Variants in PLXDC2 observed in about 807,000 individuals in gnomAD.
PLXDC2 encodes the protein plexin domain containing 2.
Under a neutral mutation model 68.9 loss-of-function variants are expected in PLXDC2, and 40 were observed. The ratio of observed to expected loss-of-function variants is 0.58; its 90% CI spans 0.45 to 0.76. The LOEUF is 0.76. Among genes scored for constraint, PLXDC2 ranks in the 30% least tolerant of loss-of-function variants. PLXDC2 has a pLI of 0.00. For missense variants in PLXDC2, 644 were observed against 661.9 expected, an observed-to-expected ratio of 0.97 and a Z score of 0.30; for synonymous variants, 243 against 234.2, an observed-to-expected ratio of 1.04 and a Z score of -0.34.
At chr10:20,041,637 T>A (rs1459957335) in intron 2 of PLXDC2, among the ~76,000 whole-genome samples, 2 of 152,150 alleles carry the variant, frequency 1.3e-5, no homozygotes, top group East Asian at 3.9e-4. Context: ...TTTTTTCCCC[T>A]GCAATTTATG....
At chr10:19,986,766 G>T (rs368410191) in intron 1 of PLXDC2, among the ~76,000 whole-genome samples, 109 of 152,280 alleles carry the variant, frequency 7.2e-4, no homozygotes, top group African/African-American at 2.6e-3. Flanking sequence ...ACTTGAAAGT[G>T]TGTCTCAGAG....
At chr10:20,219,400 G>A (rs542180980) in intron 12 of PLXDC2, among the ~76,000 whole-genome samples, 2 of 152,250 alleles carry the variant, frequency 1.3e-5, no homozygotes, top group Admixed American at 1.3e-4. Flanking sequence ...GTGGTGTGTA[G>A]TTATCTACAC....
intron 1 of PLXDC2, among the ~76,000 whole-genome samples, chr10:19,868,141 G>A (rs1409790764): frequency 6.6e-6 from 1 of 152,010 alleles, no homozygotes; most frequent in African/African-American, 2.4e-5. Flanking sequence ...TTTTGGGTTT[G>A]GGGGTACATG....
At chr10:20,063,711 G>T (rs1024096758) in intron 3 of PLXDC2, among the ~76,000 whole-genome samples, 24 of 152,160 alleles carry the variant, frequency 1.6e-4, no homozygotes, top group African/African-American at 5.8e-4. Context: ...AGTATGACCT[G>T]AATGAGTCTG....
At chr10:20,067,660 C>T (rs147358755) in intron 3 of PLXDC2, among the ~76,000 whole-genome samples, 1 of 150,846 alleles carries the variant, frequency 6.6e-6, no homozygotes, top group East Asian at 1.9e-4. Context: ...TTCACTCCAG[C>T]CTGGGCAAAA....
chr10:19,869,152 T>G (rs937417425), intron 1 of PLXDC2, among the ~76,000 whole-genome samples: 2 of 152,078 alleles, frequency 1.3e-5, no homozygotes, highest in African/African-American at 4.8e-5. Flanking sequence ...ATCCCAGCAC[T>G]TTGGGAGGCC....
chr10:19,859,044 G>GAGAGAC (rs1554840503), intron 1 of PLXDC2, among the ~76,000 whole-genome samples: 15 of 150,830 alleles, frequency 9.9e-5, no homozygotes, highest in African/African-American at 2.9e-4. Flanking sequence ...GAGAGAGAGA[G>GAGAGAC]AGAGCGAGGG....
At chr10:20,220,092 A>G (rs1835189746) in intron 12 of PLXDC2, among the ~76,000 whole-genome samples, 1 of 152,152 alleles carries the variant, frequency 6.6e-6, no homozygotes, top group African/African-American at 2.4e-5. Flanking sequence ...CATAAATACC[A>G]TTATTGTATC....
At chr10:19,820,590 C>T (rs969045372) in intron 1 of PLXDC2, among the ~76,000 whole-genome samples, 4 of 150,068 alleles carry the variant, frequency 2.7e-5, no homozygotes, top group African/African-American at 4.9e-5. Context: ...GCCGAGATTG[C>T]GCCACTGCAG....
intron 6 of PLXDC2, among the ~76,000 whole-genome samples, chr10:20,152,906 A>AT (rs1412327260): frequency 4.6e-5 from 7 of 152,184 alleles, no homozygotes; most frequent in South Asian, 4.1e-4. Flanking sequence ...AAGACAGTTT[A>AT]TTTTTTTGGC....
At chr10:19,936,250 C>A (rs1422288361) in intron 1 of PLXDC2, among the ~76,000 whole-genome samples, 1 of 152,180 alleles carries the variant, frequency 6.6e-6, no homozygotes, top group Non-Finnish European at 1.5e-5. Context: ...CCACTCATCT[C>A]ACCTCTCTCA....
chr10:19,994,836 G>C (rs779205645), intron 1 of PLXDC2, among the ~76,000 whole-genome samples: 1 of 151,634 alleles, frequency 6.6e-6, no homozygotes, highest in South Asian at 2.1e-4. Context: ...TCCGCTTCCC[G>C]TGTTCGAGTA....
At position 20,217,316 on chromosome 10, in the gene PLXDC2, T is replaced by C. The variant is rs535583089; in HGVS notation, c.1123-110T>C. On this transcript the variant is annotated intron_variant, in intron 10 of 13. Transcript: ENST00000377252. Reference sequence around the variant, plus strand: ...TCTTGTACAAAAGTAATTTATTCCTTGTCTTGATATGAGAGGCTTTTGTGC... The same window carrying C: ...TCTTGTACAAAAGTAATTTATTCCTCGTCTTGATATGAGAGGCTTTTGTGC... 1.3e-5 allele frequency: 12 copies of C among 917,288 alleles called. No individual in the cohort carries two copies. In the South Asian group the frequency reaches 3.2e-4, roughly 24 times the overall value. The allele number at this position is 917,288 out of a possible 1,614,324, so 56.8% of individuals were successfully genotyped here.
chr10:20,031,324 T>C (rs1835498046), intron 2 of PLXDC2, among the ~76,000 whole-genome samples: 1 of 151,928 alleles, frequency 6.6e-6, no homozygotes, highest in African/African-American at 2.4e-5. Flanking sequence ...GAGACACAAT[T>C]GTGCCACTGC....
intron 13 of PLXDC2, among the ~76,000 whole-genome samples, chr10:20,264,966 G>T (rs543447487): frequency 6.6e-6 from 1 of 151,964 alleles, no homozygotes; most frequent in Non-Finnish European, 1.5e-5. Context: ...TAGTAAGGTC[G>T]CTGGATGATA....
At chr10:19,972,555 C>T (rs568678179) in intron 1 of PLXDC2, among the ~76,000 whole-genome samples, 1 of 152,136 alleles carries the variant, frequency 6.6e-6, no homozygotes, top group East Asian at 1.9e-4. Flanking sequence ...ATGCAATTTG[C>T]CCATGTAACA....
chr10:19,979,556 A>G (rs1355194311), intron 1 of PLXDC2, among the ~76,000 whole-genome samples: 1 of 151,940 alleles, frequency 6.6e-6, no homozygotes, highest in Non-Finnish European at 1.5e-5. Flanking sequence ...ATTTTTAGCC[A>G]AGGTGGGGTT....
intron 9 of PLXDC2, among the ~76,000 whole-genome samples, chr10:20,194,637 T>TTA (rs907042777): frequency 3.0e-4 from 45 of 151,556 alleles, no homozygotes; most frequent in East Asian, 7.8e-4. Flanking sequence ...TAAATTTATT[T>TTA]TATATATATA....
chr10:20,013,613 C>G (rs960900927), intron 2 of PLXDC2, among the ~76,000 whole-genome samples: 1 of 152,118 alleles, frequency 6.6e-6, no homozygotes, highest in African/African-American at 2.4e-5. Flanking sequence ...TCATTTAAAA[C>G]TAGTACAGAG....
Sources: gnomAD v4.1 joint callset for allele counts (sites outside exome capture counted in the v4.1 genomes callset) on GRCh38, gnomAD v4.1.1 for gene constraint, MANE v1.5 for transcripts, NCBI Gene and HGNC (gene_info 2026-07-23, HGNC 2026-07-21) for gene names.